The following SDK1 variants were observed in gnomAD, a reference collection of about 807,000 sequenced individuals.
SDK1 encodes the protein sidekick cell adhesion molecule 1.
Under a neutral mutation model 245.5 loss-of-function variants are expected in SDK1, and 157 were observed. The observed-to-expected ratio is 0.64, with a 90% CI of 0.56 to 0.73. SDK1 has a LOEUF of 0.73. SDK1 is among the 30% of genes least tolerant of loss of function. The pLI is 0.00. For missense variants in SDK1, 3,583 were observed against 3,002.3 expected (o/e 1.19, Z -4.52); for synonymous variants, 1,647 against 1,278.5 (o/e 1.29, Z -6.15).
intron 38 of SDK1, among the ~76,000 whole-genome samples, chr7:4,218,204 G>A (rs1345869009): frequency 6.6e-6 from 1 of 152,170 alleles, no homozygotes; most frequent in Non-Finnish European, 1.5e-5. Flanking sequence ...AGGAGTTTAA[G>A]ACCAGCCGGG....
chr7:3,457,175 A>G (rs1413489397), intron 1 of SDK1, among the ~76,000 whole-genome samples: 1 of 152,024 alleles, frequency 6.6e-6, no homozygotes, highest in Non-Finnish European at 1.5e-5. Flanking sequence ...TGGTCCGGGC[A>G]AGGAGTGAGC....
At chr7:3,498,612 C>T (rs897665841) in intron 1 of SDK1, among the ~76,000 whole-genome samples, 2 of 152,176 alleles carry the variant, frequency 1.3e-5, no homozygotes, top group Admixed American at 6.5e-5. Context: ...TTCCATCTGT[C>T]GGCTTCCTCT....
At chr7:3,356,946 T>C (rs1780813476) in intron 1 of SDK1, among the ~76,000 whole-genome samples, 1 of 132,340 alleles carries the variant, frequency 7.6e-6, no homozygotes, top group African/African-American at 3.2e-5. Context: ...TCCCAGCTAC[T>C]CAGGAGGCTG....
chr7:3,302,210 A>G (rs1267049657), intron 1 of SDK1: 10 of 153,374 alleles, frequency 6.5e-5, no homozygotes, highest in Non-Finnish European at 1.5e-4. Context: ...GCATGGATGA[A>G]AAAGGGGCTG....
At chr7:3,862,211 C>T (rs1222392820) in intron 5 of SDK1, among the ~76,000 whole-genome samples, 1 of 152,158 alleles carries the variant, frequency 6.6e-6, no homozygotes, top group Non-Finnish European at 1.5e-5. Flanking sequence ...AACCACATGG[C>T]GGAGCTTTGG....
rs187305259 is a variant in SDK1, at chr7:3,809,701, G to A, written c.714-11749G>A. Among the ~76,000 whole-genome samples the A allele has an allele frequency of 4.5e-4, 68 of 152,300 alleles. 1 individual carries two copies. Among genetic ancestry groups the A allele is most frequent in the Admixed American group, 3.0e-3 (46 of 15,288 alleles). ...AAGAAGAGCCCTCTGCTTCCTAGCG[G>A]CTGCTGCGTATGCTTGGTCCAGCCA... On this transcript the variant is annotated intron_variant, in intron 4 of 44. Transcript: ENST00000404826.
chr7:4,169,669 G>A (rs1389210213), intron 32 of SDK1, among the ~76,000 whole-genome samples: 1 of 152,194 alleles, frequency 6.6e-6, no homozygotes, highest in Non-Finnish European at 1.5e-5. Flanking sequence ...TCCCCAAGGG[G>A]CGGAGCTCAG....
At chr7:3,389,786 G>T (rs1056900043) in intron 1 of SDK1, among the ~76,000 whole-genome samples, 3 of 152,094 alleles carry the variant, frequency 2.0e-5, no homozygotes, top group African/African-American at 7.2e-5. Flanking sequence ...GTGGAAGTTG[G>T]TACCTGGAGG....
intron 22 of SDK1, among the ~76,000 whole-genome samples, chr7:4,104,916 A>C (rs1584145727): frequency 6.6e-6 from 1 of 151,640 alleles, no homozygotes; most frequent in East Asian, 1.9e-4. Context: ...TCTGTTGCCC[A>C]GGCTGATTTT....
chr7:3,320,182 C>A (rs187037231), intron 1 of SDK1, among the ~76,000 whole-genome samples: 1 of 152,158 alleles, frequency 6.6e-6, no homozygotes, highest in East Asian at 1.9e-4. Flanking sequence ...CCGTCCTTCC[C>A]ACCGCACACA....
chr7:3,992,605 T>A (rs1304482265), intron 14 of SDK1, among the ~76,000 whole-genome samples: 2 of 152,190 alleles, frequency 1.3e-5, no homozygotes, highest in African/African-American at 4.8e-5. Flanking sequence ...TTTGGCCCAC[T>A]CTCTAAAATG....
chr7:3,789,489 T>G (rs1443659009), intron 4 of SDK1, among the ~76,000 whole-genome samples: 1 of 152,240 alleles, frequency 6.6e-6, no homozygotes, highest in Non-Finnish European at 1.5e-5. Flanking sequence ...TAAGTGTTCC[T>G]AAGCAACCCT....
intron 17 of SDK1, among the ~76,000 whole-genome samples, chr7:4,019,823 C>T (rs887595559): frequency 3.3e-5 from 5 of 152,078 alleles, no homozygotes; most frequent in East Asian, 3.9e-4. Context: ...TCTTCTGCCT[C>T]GGCACTCCTG....
At chr7:3,491,310 G>C (rs1013755708) in intron 1 of SDK1, among the ~76,000 whole-genome samples, 9 of 152,172 alleles carry the variant, frequency 5.9e-5, no homozygotes, top group Non-Finnish European at 1.0e-4. Flanking sequence ...ATAATACTCA[G>C]ACTTTCTTCT....
intron 1 of SDK1, among the ~76,000 whole-genome samples, chr7:3,375,955 G>A (rs1053558755): frequency 2.0e-5 from 3 of 152,200 alleles, no homozygotes; most frequent in African/African-American, 7.2e-5. Flanking sequence ...TGATCAGATG[G>A]ATTATTCAGT....
intron 5 of SDK1, among the ~76,000 whole-genome samples, chr7:3,835,163 A>G (rs1045848977): frequency 6.6e-6 from 1 of 152,308 alleles, no homozygotes; most frequent in East Asian, 1.9e-4. Flanking sequence ...AAAGTAGGAC[A>G]AGTGACTTGA....
intron 1 of SDK1, among the ~76,000 whole-genome samples, chr7:3,445,876 C>T (rs943179306): frequency 6.6e-6 from 1 of 151,874 alleles, no homozygotes; most frequent in Admixed American, 6.6e-5. Context: ...TCCTGATGTT[C>T]TAATATTCTC....
intron 1 of SDK1, among the ~76,000 whole-genome samples, chr7:3,478,986 A>C (rs1448753264): frequency 1.3e-5 from 2 of 152,136 alleles, no homozygotes; most frequent in African/African-American, 4.8e-5. Flanking sequence ...TGTTTTTTGA[A>C]ATACTGATTT....
intron 1 of SDK1, among the ~76,000 whole-genome samples, chr7:3,605,320 G>A (rs374098637): frequency 8.1e-4 from 124 of 152,298 alleles, no homozygotes; most frequent in African/African-American, 2.8e-3. Flanking sequence ...GAAAGCATAC[G>A]TAGCTCAGTG....
Sources: gnomAD v4.1 joint callset for allele counts (sites outside exome capture counted in the v4.1 genomes callset) on GRCh38, gnomAD v4.1.1 for gene constraint, MANE v1.5 for transcripts, NCBI Gene and HGNC (gene_info 2026-07-23, HGNC 2026-07-21) for gene names.